Variants in SH3PXD2A observed in about 807,000 individuals in gnomAD.
SH3PXD2A encodes SH3 and PX domains 2A, also known as SH3 and PX domain-containing protein 2A.
Under a neutral mutation model 115.2 loss-of-function variants are expected in SH3PXD2A, and 32 were observed. The ratio of observed to expected loss-of-function variants is 0.28; its 90% CI spans 0.21 to 0.37. The LOEUF is 0.37. Ranked by LOEUF, SH3PXD2A falls within the 10% of genes least tolerant of loss-of-function variation. The pLI, the probability that SH3PXD2A is intolerant of heterozygous loss-of-function variation, is 1.00. For synonymous variants in SH3PXD2A, 610 were observed against 629.1 expected (o/e 0.97, Z 0.45); for missense variants, 1,328 against 1,498.7 (o/e 0.89, Z 1.88).
At chr10:103,683,029 C>T (rs952712397) in intron 6 of SH3PXD2A, among the ~76,000 whole-genome samples, 3 of 152,086 alleles carry the variant, frequency 2.0e-5, no homozygotes, top group African/African-American at 4.8e-5. Context: ...TCGCTCCTGC[C>T]GGGATGATGG....
chr10:103,697,703 C>A lies in SH3PXD2A; in HGVS notation c.399-4647G>T, dbSNP rs139395994. ...GCTTGCATTTTTATGCTAATGTAGA[C>A]CCGAAAGGGTTTTTCTTTTTTCCTT... On this transcript the variant is annotated intron_variant, in intron 5 of 14. Coordinates refer to ENST00000369774, the MANE Select transcript of SH3PXD2A (RefSeq NM_001394015.1). Among the ~76,000 whole-genome samples the A allele has an allele frequency of 7.9e-5, 12 of 152,304 alleles. No individual in the cohort carries two copies. The East Asian group carries it at 2.1e-3, about 27-fold the overall frequency.
rs545299847 is a variant in SH3PXD2A, at chr10:103,653,801, CCCTGCCACACCTGTG to C, written c.604+7167_604+7181del. Among the ~76,000 whole-genome samples the C allele has an allele frequency of 1.5e-3, 235 of 152,080 alleles. 1 individual carries two copies. Among genetic ancestry groups the C allele is most frequent in the African/African-American group, 5.3e-3 (222 of 41,506 alleles). The stretch of plus-strand genomic sequence containing the variant: ...AGCACTATTTGCAGAGCTGCCCAGC[CCCTGCCACACCTGTG>C]CCTGCCACCCTCCTCCCCACACAGC... On this transcript the variant is annotated intron_variant, in intron 8 of 14. Coordinates refer to ENST00000369774, the MANE Select transcript of SH3PXD2A (RefSeq NM_001394015.1).
In SH3PXD2A at chr10:103,818,245, A is replaced by G. The variant is rs2039344054; in HGVS notation, c.73-16883T>C. On this transcript the variant is annotated intron_variant, in intron 1 of 14. Coordinates refer to ENST00000369774, the MANE Select transcript of SH3PXD2A (RefSeq NM_001394015.1). Reference sequence around the variant, plus strand: ...CCTAGAAATCTCCCTGGGCTGCCTCAGCCCTGGTGCTCCCTCTGCCCCCTC... The same window carrying G: ...CCTAGAAATCTCCCTGGGCTGCCTCGGCCCTGGTGCTCCCTCTGCCCCCTC... 3.3e-5 allele frequency among the ~76,000 whole-genome samples: 5 copies of G among 152,230 alleles called. No individual in the cohort carries two copies. In the South Asian group the frequency reaches 1.0e-3, roughly 31 times the overall value.
At chr10:103,691,840 A>G (rs2037755817) in intron 6 of SH3PXD2A, among the ~76,000 whole-genome samples, 2 of 152,124 alleles carry the variant, frequency 1.3e-5, no homozygotes, top group Non-Finnish European at 2.9e-5. Context: ...AGAACCCCAC[A>G]GCCACACACG....
intron 5 of SH3PXD2A, among the ~76,000 whole-genome samples, chr10:103,714,356 C>T (rs2134160442): frequency 6.6e-6 from 1 of 152,330 alleles, no homozygotes; most frequent in African/African-American, 2.4e-5. Context: ...CACCAGGATA[C>T]CCTTCCCTGC....
At chr10:103,706,814 T>G (rs2037986405) in intron 5 of SH3PXD2A, among the ~76,000 whole-genome samples, 1 of 151,778 alleles carries the variant, frequency 6.6e-6, no homozygotes, top group Non-Finnish European at 1.5e-5. Context: ...CCCCCCCGAG[T>G]AGAGCTCAGT....
chr10:103,635,674 C>T (rs1407231893), intron 8 of SH3PXD2A, among the ~76,000 whole-genome samples: 4 of 152,282 alleles, frequency 2.6e-5, no homozygotes, highest in Non-Finnish European at 4.4e-5. Flanking sequence ...ACCCCTAGAC[C>T]GGAGAAGTTG....
chr10:103,663,849 T>G (rs1010808529), intron 7 of SH3PXD2A, among the ~76,000 whole-genome samples: 1 of 152,218 alleles, frequency 6.6e-6, no homozygotes, highest in Non-Finnish European at 1.5e-5. Flanking sequence ...ATCTCAGCCC[T>G]TTGGAGAAGC....
At chr10:103,719,062 C>A (rs1312605997) in intron 5 of SH3PXD2A, among the ~76,000 whole-genome samples, 2 of 152,178 alleles carry the variant, frequency 1.3e-5, no homozygotes, top group African/African-American at 4.8e-5. Flanking sequence ...CTGCTGGTGC[C>A]TTGGTTTAGG....
At position 103,602,872 on chromosome 10, in the gene SH3PXD2A, C is replaced by T. The variant is rs879204668; in HGVS notation, c.2346G>A (p.Leu782=). 6.2e-7 allele frequency: 1 copy of T among 1,614,064 alleles called. No individual in the cohort carries two copies. Residue 782 remains leucine (L), a synonymous_variant, in exon 15 of 15, where the codon CTG becomes CTA. Transcript: ENST00000369774. The part of the protein sequence containing the change: ...KMDISTLRRQ[L]RPTGQLRGGL... ...CTCCACGGAGCTGGCCTGTGGGTCTCAGCTGGCGCCGTAAAGTGCTGATGT... is the reference window on the plus strand; with the variant it reads ...CTCCACGGAGCTGGCCTGTGGGTCTTAGCTGGCGCCGTAAAGTGCTGATGT...
chr10:103,688,796 T>C (rs1007601532), intron 6 of SH3PXD2A, among the ~76,000 whole-genome samples: 3 of 152,144 alleles, frequency 2.0e-5, no homozygotes, highest in African/African-American at 4.8e-5. Context: ...ATGGAGTCCC[T>C]GGGGGAATTT....
chr10:103,831,040 C>A (rs932392989), intron 1 of SH3PXD2A, among the ~76,000 whole-genome samples: 1 of 152,218 alleles, frequency 6.6e-6, no homozygotes, highest in African/African-American at 2.4e-5. Context: ...TGCGAAGCAT[C>A]CTTCCAGTCT....
In SH3PXD2A at chr10:103,603,446, C is replaced by T. The variant is rs759699398; in HGVS notation, c.1772G>A (p.Arg591Gln). 57 of 1,613,056 alleles carry T rather than the reference C, an allele frequency of 3.5e-5. No homozygotes were observed. Among genetic ancestry groups the T allele is most frequent in the South Asian group, 2.5e-4 (23 of 91,006 alleles). ...CTGCAGAGAAGAGGCCGGCGAGGGC[C>T]GGTGGGGCTGGGCAGGCCGCCTCTC... is the stretch of plus-strand genomic sequence containing the variant. ...SGERRPAQPH[R>Q]PSPASSLQRA... Residue 591 changes from arginine (R) to glutamine (Q), a missense_variant, in exon 15 of 15, where the codon CGG becomes CAG. By Grantham distance (43) the Arg-to-Gln change is conservative (BLOSUM62 1). Around this residue, in one of 5 missense-constraint regions of SH3PXD2A, gnomAD observed 509 missense variants for 628.3 expected, o/e 0.81. Coordinates refer to ENST00000369774, the MANE Select transcript of SH3PXD2A (RefSeq NM_001394015.1).
At chr10:103,823,532 A>G (rs1414647007) in intron 1 of SH3PXD2A, among the ~76,000 whole-genome samples, 1 of 152,260 alleles carries the variant, frequency 6.6e-6, no homozygotes, top group Non-Finnish European at 1.5e-5. Context: ...CACTGGAGAC[A>G]GCCATACATC....
chr10:103,809,994 A>G (rs2039250788), intron 1 of SH3PXD2A, among the ~76,000 whole-genome samples: 1 of 152,050 alleles, frequency 6.6e-6, no homozygotes, highest in African/African-American at 2.4e-5. Flanking sequence ...CGGCCCCACT[A>G]TTTATTTAAA....
intron 3 of SH3PXD2A, among the ~76,000 whole-genome samples, chr10:103,748,970 TCTTTC>T (rs1564879707): frequency 6.6e-6 from 1 of 150,892 alleles, no homozygotes; most frequent in Non-Finnish European, 1.5e-5. Flanking sequence ...CTTTCTTTCT[TCTTTC>T]TTTTTTTTTT....
At chr10:103,823,627 T>C (rs1315918077) in intron 1 of SH3PXD2A, among the ~76,000 whole-genome samples, 1 of 152,186 alleles carries the variant, frequency 6.6e-6, no homozygotes, top group Non-Finnish European at 1.5e-5. Context: ...TCCAAAAGGA[T>C]CAGTGACTTG....
At chr10:103,745,417 CAG>C (rs1394337153) in intron 3 of SH3PXD2A, among the ~76,000 whole-genome samples, 1 of 152,214 alleles carries the variant, frequency 6.6e-6, no homozygotes, top group Non-Finnish European at 1.5e-5. Flanking sequence ...TGTTATGTGA[CAG>C]GGGATGAGTC....
chr10:103,618,099 C>T (rs754688156), intron 10 of SH3PXD2A, among the ~76,000 whole-genome samples: 9 of 152,218 alleles, frequency 5.9e-5, no homozygotes, highest in Non-Finnish European at 1.2e-4. Context: ...TGGAGGGCAG[C>T]CTGCTCTGTT....
Sources: allele counts gnomAD v4.1 joint callset (sites outside exome capture counted in the v4.1 genomes callset), GRCh38; gene constraint gnomAD v4.1.1; regional missense constraint gnomAD v4.1.1; transcripts MANE v1.5; gene names NCBI Gene and HGNC (gene_info 2026-07-23, HGNC 2026-07-21).